HIKESHI: variants seen among roughly 807,000 people sequenced by gnomAD.
HIKESHI encodes the protein heat shock protein nuclear import factor hikeshi.
Under a neutral mutation model 25.7 loss-of-function variants are expected in HIKESHI, and 13 were observed. The observed-to-expected ratio is 0.51, with a 90% CI of 0.33 to 0.80. The LOEUF is 0.80. Ranked by LOEUF, HIKESHI falls within the 30% of genes least tolerant of loss-of-function variation. The probability of loss-of-function intolerance (pLI) is 0.02; values close to 1 mark genes in which losing one functional copy is unlikely to be tolerated. For missense variants in HIKESHI, 174 were observed against 229.5 expected (o/e 0.76, Z 1.56); for synonymous variants, 76 against 78.7 (o/e 0.97, Z 0.18).
At chr11:86,340,922 C>T (rs917678716) in intron 3 of HIKESHI, among the ~76,000 whole-genome samples, 3 of 152,194 alleles carry the variant, frequency 2.0e-5, no homozygotes, top group African/African-American at 4.8e-5. Context: ...GGATTACAGG[C>T]GTGAGCCATC....
At chr11:86,325,578 A>G (rs1324484899) in intron 2 of HIKESHI, among the ~76,000 whole-genome samples, 1 of 152,146 alleles carries the variant, frequency 6.6e-6, no homozygotes, top group Non-Finnish European at 1.5e-5. Flanking sequence ...AAATAACAAA[A>G]AAGTGGCACA....
chr11:86,325,906 G>T (rs2138366959), intron 2 of HIKESHI, among the ~76,000 whole-genome samples: 1 of 151,740 alleles, frequency 6.6e-6, no homozygotes, highest in African/African-American at 2.4e-5. Flanking sequence ...TAGTAGATAA[G>T]GTTTGGTAGT....
intron 2 of HIKESHI, among the ~76,000 whole-genome samples, chr11:86,324,586 T>C (rs919871231): frequency 4.6e-5 from 7 of 152,216 alleles, no homozygotes; most frequent in Admixed American, 2.0e-4. Context: ...TCTTAATTTA[T>C]ATATAAAAGA....
intron 1 of HIKESHI, among the ~76,000 whole-genome samples, chr11:86,305,445 G>C (rs1946598251): frequency 6.6e-6 from 1 of 151,904 alleles, no homozygotes; most frequent in Non-Finnish European, 1.5e-5. Context: ...CTGGTGCAAT[G>C]GCGCGATCTC....
At chr11:86,315,217 C>A (rs1211959056) in intron 2 of HIKESHI, among the ~76,000 whole-genome samples, 1 of 152,058 alleles carries the variant, frequency 6.6e-6, no homozygotes, top group Non-Finnish European at 1.5e-5. Flanking sequence ...AGAGAAAAGT[C>A]ATTTATAGCT....
At chr11:86,316,624 A>G (rs74569880) in intron 2 of HIKESHI, among the ~76,000 whole-genome samples, 4,941 of 152,268 alleles carry the variant, frequency 0.032, 257 homozygotes, top group African/African-American at 0.11. Flanking sequence ...TATCAGTTGT[A>G]TAAATCAGTT....
intron 2 of HIKESHI, among the ~76,000 whole-genome samples, chr11:86,318,087 G>C (rs1947036743): frequency 6.6e-6 from 1 of 151,608 alleles, no homozygotes; most frequent in Non-Finnish European, 1.5e-5. Context: ...GGCGGATCAC[G>C]AGGTCAGGAG....
chr11:86,335,200 C>A (rs1041045803), intron 2 of HIKESHI, among the ~76,000 whole-genome samples: 4 of 152,038 alleles, frequency 2.6e-5, no homozygotes, highest in African/African-American at 9.7e-5. Context: ...TGGTGGCTTG[C>A]TAGAAGACTG....
intron 1 of HIKESHI, among the ~76,000 whole-genome samples, chr11:86,305,606 G>A (rs1946602492): frequency 6.6e-6 from 1 of 151,782 alleles, no homozygotes; most frequent in East Asian, 1.9e-4. Context: ...GGCTGGTTTC[G>A]AACTCCTGAC....
chr11:86,333,559 A>AAC (rs1233605469), intron 2 of HIKESHI, among the ~76,000 whole-genome samples: 3 of 149,822 alleles, frequency 2.0e-5, no homozygotes, highest in African/African-American at 7.3e-5. Flanking sequence ...CAAACAAACA[A>AAC]AAAAAAAAAA....
chr11:86,332,310 T>TA (rs1385186530), intron 2 of HIKESHI, among the ~76,000 whole-genome samples: 1 of 152,058 alleles, frequency 6.6e-6, no homozygotes, highest in Admixed American at 6.6e-5. Flanking sequence ...TATGCACACT[T>TA]ACAGACATCT....
intron 2 of HIKESHI, among the ~76,000 whole-genome samples, chr11:86,310,073 T>G (rs920941937): frequency 2.7e-5 from 4 of 148,362 alleles, no homozygotes; most frequent in African/African-American, 1.0e-4. Context: ...CCATATGAAC[T>G]TTAAAGTAGT....
At chr11:86,340,849 T>G (rs971985400) in intron 3 of HIKESHI, among the ~76,000 whole-genome samples, 1 of 152,194 alleles carries the variant, frequency 6.6e-6, no homozygotes, top group African/African-American at 2.4e-5. Flanking sequence ...TTCACCATGT[T>G]GGTCAGGCTG....
At chr11:86,311,613 G>A (rs187954445) in intron 2 of HIKESHI, among the ~76,000 whole-genome samples, 3 of 152,264 alleles carry the variant, frequency 2.0e-5, no homozygotes, top group Admixed American at 2.0e-4. Context: ...TTTTGAATGT[G>A]TTTGCTCTTG....
In HIKESHI at chr11:86,321,624, C is replaced by T. The variant is rs140118793; in HGVS notation, c.268+15142C>T. On this transcript the variant is annotated intron_variant, in intron 2 of 4. Coordinates refer to ENST00000278483, the MANE Select transcript of HIKESHI (RefSeq NM_016401.4). The stretch of plus-strand genomic sequence containing the variant: ...GACTCACTGCAACCTCTGCCTCCCA[C>T]GTTCAAGTGATTCTCCTGCCTCAGC... Among the ~76,000 whole-genome samples, 403 of 151,568 alleles carry T rather than the reference C, an allele frequency of 2.7e-3. 2 individuals are homozygous for T. The highest frequency in any genetic ancestry group is 9.1e-3 in the African/African-American group (377 of 41,326).
chr11:86,312,666 C>T (rs1946864106), intron 2 of HIKESHI, among the ~76,000 whole-genome samples: 1 of 152,104 alleles, frequency 6.6e-6, no homozygotes. Context: ...ATGGTCTTTA[C>T]AATTTCCATG....
At chr11:86,305,174 A>G (rs1019968269) in intron 1 of HIKESHI, among the ~76,000 whole-genome samples, 4 of 148,504 alleles carry the variant, frequency 2.7e-5, no homozygotes, top group African/African-American at 1.0e-4. Context: ...TAATTTTTGT[A>G]GTTTTTGTAG....
chr11:86,345,169 T>C, intron 4 of HIKESHI: 2 of 1,042,564 alleles, frequency 1.9e-6, no homozygotes, highest in South Asian at 8.1e-5. Flanking sequence ...GGTACCATGG[T>C]GTAGCATGGA....
rs567046663 is a variant in HIKESHI at position 86,306,053 on chromosome 11, A to G, written c.31-192A>G. Among the ~76,000 whole-genome samples the G allele has an allele frequency of 1.7e-4, 26 of 152,212 alleles. No individual in the cohort carries two copies. The Middle Eastern group carries it at 0.027, about 159-fold the overall frequency. On this transcript the variant is annotated intron_variant, in intron 1 of 4. Transcript: ENST00000278483. ...AGCCGCTGTGATCTGCCCGAGTTAT[A>G]TTTTTAGAAGATTGCATTTAGTAGA...
Sources: allele counts gnomAD v4.1 joint callset (sites outside exome capture counted in the v4.1 genomes callset), GRCh38; gene constraint gnomAD v4.1.1; transcripts MANE v1.5; gene names NCBI Gene and HGNC (gene_info 2026-07-23, HGNC 2026-07-21).